HOMER1: variants seen among roughly 807,000 people sequenced by gnomAD.
The protein encoded by HOMER1 is homer scaffold protein 1.
A neutral mutation model predicts 48.9 loss-of-function variants in HOMER1; 3 were observed. The observed-to-expected ratio is 0.06, with a 90% CI of 0.03 to 0.16. The LOEUF (loss-of-function observed/expected upper bound fraction) is 0.16. Among genes scored for constraint, HOMER1 ranks in the 10% least tolerant of loss-of-function variants. HOMER1 has a pLI of 1.00. For synonymous variants in HOMER1, 134 were observed against 146.4 expected, an observed-to-expected ratio of 0.92 and a Z score of 0.61; for missense variants, 247 against 411.4, an observed-to-expected ratio of 0.60 and a Z score of 3.46.
chr5:79,413,389 G>C (rs1749856826), intron 5 of HOMER1, among the ~76,000 whole-genome samples: 1 of 152,032 alleles, frequency 6.6e-6, no homozygotes, highest in African/African-American at 2.4e-5. Context: ...ATAGGTCTCA[G>C]GACTCCTTAT....
At chr5:79,429,348 T>C (rs1296881032) in intron 5 of HOMER1, among the ~76,000 whole-genome samples, 1 of 151,924 alleles carries the variant, frequency 6.6e-6, no homozygotes, top group Non-Finnish European at 1.5e-5. Context: ...GCACTCCAGT[T>C]TGGGTGACAA....
chr5:79,375,941 A>T lies in HOMER1; in HGVS notation c.*68T>A. ...TTTTTTTTGTGCAATCTTGATGCAG[A>T]GCCTAAACAGTCCTATGAAGAGAGA... On this transcript the variant is annotated 3_prime_UTR_variant, in exon 9 of 9. Coordinates refer to ENST00000334082, the MANE Select transcript of HOMER1 (RefSeq NM_004272.5). The T allele has an allele frequency of 1.2e-5, 8 of 655,854 alleles. No homozygotes were observed. Among genetic ancestry groups the T allele is most frequent in the East Asian group, 3.3e-5 (1 of 30,428 alleles). The allele number at this position is 655,854 out of a possible 1,614,324, so 40.6% of individuals were successfully genotyped here. A position where few individuals can be genotyped will look rare whatever the true frequency, so the allele number is the denominator to read the frequency against.
At chr5:79,405,156 A>C (rs1580428153) in intron 5 of HOMER1, among the ~76,000 whole-genome samples, 1 of 152,120 alleles carries the variant, frequency 6.6e-6, no homozygotes, top group Non-Finnish European at 1.5e-5. Context: ...TGTGGTCATT[A>C]GGGTGGGCCA....
rs1444981116 is a variant in HOMER1 at position 79,405,534 on chromosome 5, AT to A, written c.528-3480del. ...AGCTCTTCTTCTCAATCAGATTCTC[AT>A]TTTTTTCTATGAATTTTTGTCCAAT... On this transcript the variant is annotated intron_variant, in intron 5 of 8. Coordinates refer to ENST00000334082, the MANE Select transcript of HOMER1 (RefSeq NM_004272.5). 2.0e-5 allele frequency among the ~76,000 whole-genome samples: 3 copies of A among 152,112 alleles called. No individual in the cohort carries two copies. The East Asian group carries it at 5.8e-4, about 29-fold the overall frequency.
chr5:79,502,424 A>G (rs1752622091), intron 1 of HOMER1, among the ~76,000 whole-genome samples: 1 of 152,190 alleles, frequency 6.6e-6, no homozygotes, highest in Non-Finnish European at 1.5e-5. Context: ...ACCCAAGAGA[A>G]GTTCTAAAAC....
chr5:79,482,715 T>C (rs376048415), intron 1 of HOMER1, among the ~76,000 whole-genome samples: 25 of 152,142 alleles, frequency 1.6e-4, no homozygotes, highest in African/African-American at 5.8e-4. Flanking sequence ...TTAAAAATAA[T>C]TGGGCCAGGT....
At chr5:79,447,896 A>C (rs1392208889) in intron 3 of HOMER1, among the ~76,000 whole-genome samples, 5 of 152,204 alleles carry the variant, frequency 3.3e-5, no homozygotes, top group Non-Finnish European at 7.4e-5. Flanking sequence ...AGACTACATA[A>C]TAACTACATG....
intron 1 of HOMER1, among the ~76,000 whole-genome samples, chr5:79,476,486 C>T (rs1413226560): frequency 1.3e-5 from 2 of 152,128 alleles, no homozygotes; most frequent in East Asian, 1.9e-4. Flanking sequence ...TTTAGACACC[C>T]GTTGCCAGTC....
At chr5:79,448,979 A>G (rs556133956) in intron 3 of HOMER1, among the ~76,000 whole-genome samples, 1 of 152,156 alleles carries the variant, frequency 6.6e-6, no homozygotes, top group South Asian at 2.1e-4. Flanking sequence ...AAAAAATTAA[A>G]AAAAAAAAGC....
chr5:79,510,183 C>T (rs1050217793), intron 1 of HOMER1, among the ~76,000 whole-genome samples: 7 of 151,246 alleles, frequency 4.6e-5, no homozygotes, highest in Non-Finnish European at 1.0e-4. Flanking sequence ...GCCCCAAATA[C>T]AGGCTTTCCA....
chr5:79,405,201 G>A (rs35086553), intron 5 of HOMER1, among the ~76,000 whole-genome samples: 28,568 of 151,994 alleles, frequency 0.19, 3,693 homozygotes, highest in East Asian at 0.43. Flanking sequence ...ACAAGAGGAG[G>A]GGATTAGGAC....
At chr5:79,512,718 A>G in intron 1 of HOMER1, 52 bp downstream of exon 1, 1 of 1,575,524 alleles carries the variant, frequency 6.3e-7, no homozygotes, top group South Asian at 1.1e-5. Flanking sequence ...ACCGCTCAAT[A>G]ATACACATAC....
intron 8 of HOMER1, among the ~76,000 whole-genome samples, chr5:79,384,941 C>T (rs1011591623): frequency 3.3e-5 from 5 of 151,992 alleles, no homozygotes; most frequent in Admixed American, 6.6e-5. Flanking sequence ...AATTCAACAT[C>T]GCTTCATGAT....
chr5:79,435,886 G>A (rs865823782), intron 5 of HOMER1, among the ~76,000 whole-genome samples: 3 of 150,354 alleles, frequency 2.0e-5, no homozygotes, highest in Non-Finnish European at 3.0e-5. Context: ...CAGCACTTTG[G>A]GAGGCCGAGG....
intron 8 of HOMER1, among the ~76,000 whole-genome samples, chr5:79,388,711 G>A (rs1022644514): frequency 5.3e-5 from 8 of 152,026 alleles, no homozygotes; most frequent in Non-Finnish European, 8.8e-5. Context: ...AATGAAAACC[G>A]AGTTATAAGG....
intron 5 of HOMER1, among the ~76,000 whole-genome samples, chr5:79,402,560 A>G (rs1006151068): frequency 2.0e-5 from 3 of 152,206 alleles, no homozygotes; most frequent in Non-Finnish European, 4.4e-5. Context: ...GCAAGTGAAG[A>G]AATATAAAAA....
intron 1 of HOMER1, among the ~76,000 whole-genome samples, chr5:79,476,406 A>G (rs890394750): frequency 4.0e-5 from 6 of 151,840 alleles, no homozygotes; most frequent in Non-Finnish European, 7.4e-5. Context: ...TAATTTTGAC[A>G]CTCTACCTGG....
intron 1 of HOMER1, among the ~76,000 whole-genome samples, chr5:79,500,927 T>TTGTGTG (rs367742665): frequency 0.18 from 21,740 of 124,128 alleles, 2,183 homozygotes; most frequent in East Asian, 0.47. Flanking sequence ...ACCCAGCCAT[T>TTGTGTG]TGTGTGTGTG....
At chr5:79,429,996 C>G (rs1438387326) in intron 5 of HOMER1, among the ~76,000 whole-genome samples, 1 of 149,896 alleles carries the variant, frequency 6.7e-6, no homozygotes, top group Non-Finnish European at 1.5e-5. Flanking sequence ...GCACTCCAGC[C>G]TGGGGGACAG....
Sources: allele counts gnomAD v4.1 joint callset (sites outside exome capture counted in the v4.1 genomes callset), GRCh38; gene constraint gnomAD v4.1.1; transcripts MANE v1.5; gene names NCBI Gene and HGNC (gene_info 2026-07-23, HGNC 2026-07-21).